The following RBMS3 variants were observed in gnomAD, a reference collection of about 807,000 sequenced individuals.
RBMS3 encodes the protein RNA binding motif single stranded interacting protein 3.
Under a neutral mutation model 66.8 loss-of-function variants are expected in RBMS3, and 27 were observed. The ratio of observed to expected loss-of-function variants is 0.40; its 90% CI spans 0.30 to 0.56. The LOEUF is 0.56. Among genes scored for constraint, RBMS3 ranks in the 20% least tolerant of loss-of-function variants. RBMS3 has a pLI of 0.40. For missense variants in RBMS3, 513 were observed against 549.5 expected (o/e 0.93, Z 0.66); for synonymous variants, 188 against 183.0 (o/e 1.03, Z -0.22).
chr3:29,731,483 C>T (rs1284334002), intron 4 of RBMS3, among the ~76,000 whole-genome samples: 6 of 152,154 alleles, frequency 3.9e-5, no homozygotes, highest in South Asian at 4.1e-4. Flanking sequence ...GGCACCTTCA[C>T]TGCTTAGCAA....
intron 2 of RBMS3, among the ~76,000 whole-genome samples, chr3:29,484,473 A>T (rs930753552): frequency 6.6e-6 from 1 of 152,162 alleles, no homozygotes; most frequent in Admixed American, 6.5e-5. Flanking sequence ...ATTCGGGCCT[A>T]TCGTATAACC....
intron 12 of RBMS3, among the ~76,000 whole-genome samples, chr3:29,962,391 A>T (rs1696531594): frequency 6.6e-6 from 1 of 151,936 alleles, no homozygotes; most frequent in Non-Finnish European, 1.5e-5. Flanking sequence ...ATGATAGCTC[A>T]TTCCTCATCT....
At chr3:29,745,598 A>G (rs1559629235) in intron 5 of RBMS3, among the ~76,000 whole-genome samples, 1 of 152,022 alleles carries the variant, frequency 6.6e-6, no homozygotes, top group African/African-American at 2.4e-5. Context: ...TGGGTGGGGG[A>G]CAGGGGGAGC....
intron 4 of RBMS3, among the ~76,000 whole-genome samples, chr3:29,707,231 T>A (rs1229027403): frequency 1.3e-5 from 2 of 152,238 alleles, no homozygotes; most frequent in Non-Finnish European, 2.9e-5. Context: ...AGATAGATTA[T>A]GCCAATGCCT....
intron 4 of RBMS3, among the ~76,000 whole-genome samples, chr3:29,594,081 A>T (rs924785423): frequency 1.3e-5 from 2 of 152,214 alleles, no homozygotes; most frequent in Non-Finnish European, 2.9e-5. Context: ...AGCAATAGTT[A>T]TGAAAAATTT....
intron 2 of RBMS3, among the ~76,000 whole-genome samples, chr3:29,469,664 C>CATAT (rs138407126): frequency 0.03 from 4,494 of 148,260 alleles, 206 homozygotes; most frequent in African/African-American, 0.1. Context: ...AAAACTAAAC[C>CATAT]ATATATATAT....
intron 2 of RBMS3, among the ~76,000 whole-genome samples, chr3:29,461,082 A>G (rs748293295): frequency 3.3e-5 from 5 of 152,106 alleles, no homozygotes; most frequent in Non-Finnish European, 5.9e-5. Flanking sequence ...TTTACTCACT[A>G]TTTGTCATTT....
At position 29,595,795 on chromosome 3, in the gene RBMS3, C is replaced by T. The variant is rs984380042; in HGVS notation, c.399+8590C>T. The stretch of plus-strand genomic sequence containing the variant: ...GTGAGGAAAATGAATCTTTCAATAG[C>T]GAATGTCAAAATTTGGTTTAGCCAT... On this transcript the variant is annotated intron_variant, in intron 4 of 14. Coordinates refer to ENST00000383767, the MANE Select transcript of RBMS3 (RefSeq NM_001003793.3). 2.6e-5 allele frequency among the ~76,000 whole-genome samples: 4 copies of T among 152,264 alleles called. No homozygotes were observed. The East Asian group carries it at 5.8e-4, about 22-fold the overall frequency.
rs141991060 is a variant in RBMS3 at position 29,898,359 on chromosome 3, G to A, written c.888+884G>A. Among the ~76,000 whole-genome samples the A allele has an allele frequency of 6.2e-3, 947 of 151,742 alleles. 8 individuals are homozygous for A. The highest frequency in any genetic ancestry group is 0.022 in the African/African-American group (911 of 41,496). On this transcript the variant is annotated intron_variant, in intron 9 of 14. Coordinates refer to ENST00000383767, the MANE Select transcript of RBMS3 (RefSeq NM_001003793.3). ...AAGCGTGTGTATGCATGTGCTTCTT[G>A]AATTTTGCAGCTGGTGGGGGTGGAT...
intron 4 of RBMS3, chr3:29,730,839 T>C (rs897844633): frequency 3.1e-6 from 3 of 972,554 alleles, no homozygotes; most frequent in Admixed American, 1.2e-4. Context: ...AAAATAAAAC[T>C]ATAGAGAGAT....
At chr3:29,365,279 G>C (rs772856219) in intron 1 of RBMS3, among the ~76,000 whole-genome samples, 1 of 151,540 alleles carries the variant, frequency 6.6e-6, no homozygotes, top group Non-Finnish European at 1.5e-5. Flanking sequence ...TTAACATTAA[G>C]CTGTGCCTTT....
At chr3:29,758,611 T>C (rs1185385080) in intron 5 of RBMS3, among the ~76,000 whole-genome samples, 2 of 152,196 alleles carry the variant, frequency 1.3e-5, no homozygotes, top group Non-Finnish European at 2.9e-5. Context: ...AAGACACTTG[T>C]ATCCTAAGAA....
intron 3 of RBMS3, among the ~76,000 whole-genome samples, chr3:29,495,696 G>A (rs544108980): frequency 6.6e-6 from 1 of 152,152 alleles, no homozygotes; most frequent in African/African-American, 2.4e-5. Flanking sequence ...GGGATTACAG[G>A]TGTGAGCCAC....
At position 29,444,788 on chromosome 3, in the gene RBMS3, C is replaced by CTTTTTTTTTTTTTTTTTTTTTTTTTT. The variant is rs558839351; in HGVS notation, c.248+9897_248+9898insTTTTTTTTTTTTTTTTTTTTTTTTTT. On this transcript the variant is annotated intron_variant, in intron 2 of 14. Coordinates refer to ENST00000383767, the MANE Select transcript of RBMS3 (RefSeq NM_001003793.3). Reference sequence around the variant, plus strand: ...AATTCTTTCAAGCGGAAATATATGCCTTTTTTTTTTTTTTTTTTTTTTTTG... The same window carrying CTTTTTTTTTTTTTTTTTTTTTTTTTT: ...AATTCTTTCAAGCGGAAATATATGCCTTTTTTTTTTTTTTTTTTTTTTTTTTTTTTTTTTTTTTTTTTTTTTTTTTG... 2.4e-3 allele frequency among the ~76,000 whole-genome samples: 120 copies of CTTTTTTTTTTTTTTTTTTTTTTTTTT among 50,498 alleles called. 18 individuals are homozygous for CTTTTTTTTTTTTTTTTTTTTTTTTTT. The highest frequency in any genetic ancestry group is 3.4e-3 in the Non-Finnish European group (90 of 26,470). The allele number at this position is 50,498 out of a possible 152,430, so 33.1% of individuals were successfully genotyped here.
intron 1 of RBMS3, among the ~76,000 whole-genome samples, chr3:29,366,088 A>G (rs1358319952): frequency 6.6e-6 from 1 of 152,210 alleles, no homozygotes; most frequent in Non-Finnish European, 1.5e-5. Flanking sequence ...AAAATATTCC[A>G]CACTGTTGTA....
chr3:29,367,836 T>C (rs531746808), intron 1 of RBMS3, among the ~76,000 whole-genome samples: 1 of 152,304 alleles, frequency 6.6e-6, no homozygotes, highest in African/African-American at 2.4e-5. Context: ...AACTCGATTA[T>C]TACTAATCAG....
chr3:29,686,477 G>C (rs1271215723), intron 4 of RBMS3, among the ~76,000 whole-genome samples: 1 of 152,114 alleles, frequency 6.6e-6, no homozygotes, highest in Non-Finnish European at 1.5e-5. Flanking sequence ...TTGAGGCCAG[G>C]AGTTTAAGAC....
chr3:29,691,945 C>CTTTTT (rs1319442235), intron 4 of RBMS3, among the ~76,000 whole-genome samples: 1 of 55,744 alleles, frequency 1.8e-5, no homozygotes. Context: ...CTCTCTCTCT[C>CTTTTT]TCTATTTTTT....
intron 1 of RBMS3, among the ~76,000 whole-genome samples, chr3:29,372,254 C>T (rs961258131): frequency 5.3e-5 from 8 of 151,988 alleles, no homozygotes; most frequent in East Asian, 1.9e-4. Context: ...TGTTTGAACC[C>T]GGGTCGTGGA....
Sources: allele counts gnomAD v4.1 joint callset (sites outside exome capture counted in the v4.1 genomes callset), GRCh38; gene constraint gnomAD v4.1.1; transcripts MANE v1.5; gene names NCBI Gene and HGNC (gene_info 2026-07-23, HGNC 2026-07-21).